The following PLK1 variants were observed in gnomAD, a reference collection of about 807,000 sequenced individuals.
The protein encoded by PLK1 is serine/threonine-protein kinase PLK1.
In PLK1, 6 loss-of-function variants were observed where a neutral mutation model predicts 56.7. That is an observed-to-expected ratio of 0.11 (90% CI 0.06 to 0.21). The LOEUF (loss-of-function observed/expected upper bound fraction) is 0.21. Ranked by LOEUF, PLK1 falls within the 10% of genes least tolerant of loss-of-function variation. PLK1 has a pLI of 1.00. For missense variants in PLK1, 546 were observed against 814.4 expected, an observed-to-expected ratio of 0.67 and a Z score of 4.01; for synonymous variants, 298 against 325.0, an observed-to-expected ratio of 0.92 and a Z score of 0.89.
chr16:23,686,445 C>T (rs985245412), intron 5 of PLK1, among the ~76,000 whole-genome samples: 1 of 152,006 alleles, frequency 6.6e-6, no homozygotes, highest in Non-Finnish European at 1.5e-5. Flanking sequence ...TTATTTATTC[C>T]AGCCTCCTGC....
At position 23,680,756 on chromosome 16, in the gene PLK1, G is replaced by T. The variant is rs563523801; in HGVS notation, c.578-158G>T. Among the ~76,000 whole-genome samples the T allele has an allele frequency of 2.0e-5, 3 of 152,342 alleles. No homozygotes were observed. In the South Asian group the frequency reaches 6.2e-4, roughly 32 times the overall value. ...AGGCACCTCCCTGGTGTCAGCATGGGAGGAAGATTCCTGGGCAAGCCTTGC... is the reference window on the plus strand; with the variant it reads ...AGGCACCTCCCTGGTGTCAGCATGGTAGGAAGATTCCTGGGCAAGCCTTGC... On this transcript the variant is annotated intron_variant, in intron 2 of 9. Transcript: ENST00000300093.
At chr16:23,680,041 A>G in intron 1 of PLK1, 43 bp from the exon 2 acceptor site, 2 of 1,481,352 alleles carry the variant, frequency 1.4e-6, no homozygotes, top group South Asian at 1.2e-5. Flanking sequence ...ACCGGCCTCA[A>G]TCCACCTCCC....
At position 23,679,142 on chromosome 16, in the gene PLK1, C is replaced by T. The variant is rs1297546348; in HGVS notation, c.210C>T (p.Ile70=). ...GKGGFAKCFE[I]SDADTKEVFA... The stretch of plus-strand genomic sequence containing the variant: ...GCGGCTTTGCCAAGTGCTTCGAGAT[C>T]TCGGACGCGGACACCAAGGAGGTGT... Residue 70 remains isoleucine (I), a synonymous_variant, in exon 1 of 10, where the codon ATC becomes ATT. Coordinates refer to ENST00000300093, the MANE Select transcript of PLK1 (RefSeq NM_005030.6). The T allele has an allele frequency of 6.2e-7, 1 of 1,613,242 alleles. No individual in the cohort carries two copies. Among genetic ancestry groups the T allele is most frequent in the African/African-American group, 1.3e-5 (1 of 75,038 alleles).
chr16:23,679,837 A>T, intron 1 of PLK1: 1 of 384,388 alleles, frequency 2.6e-6, no homozygotes, highest in East Asian at 4.1e-5. Context: ...GTAAGGGGGG[A>T]AGCTAGTAGG....
In PLK1 at chr16:23,689,419, T is replaced by C. The variant is rs1459456476; in HGVS notation, c.1425+27T>C. On this transcript the variant is annotated intron_variant, in intron 8 of 9. Coordinates refer to ENST00000300093, the MANE Select transcript of PLK1 (RefSeq NM_005030.6). The surrounding 1 kb of genome is among the most constrained non-coding windows in gnomAD (Gnocchi z 4.8). The stretch of plus-strand genomic sequence containing the variant: ...TGAGTGCCGTCCGGCCCATGGGGGG[T>C]GGTGTTGCAGAAGTGGGACCTGTGC... The C allele has an allele frequency of 6.2e-7, 1 of 1,600,836 alleles. No homozygotes were observed. Among genetic ancestry groups the C allele is most frequent in the Non-Finnish European group, 8.6e-7 (1 of 1,169,080 alleles).
chr16:23,682,685 G>GC (rs1317475144), intron 4 of PLK1, among the ~76,000 whole-genome samples: 1 of 148,092 alleles, frequency 6.8e-6, no homozygotes, highest in Non-Finnish European at 1.5e-5. Context: ...ACCTCGCCTG[G>GC]CTTTTTTTTT....
In PLK1 at chr16:23,689,338, C is replaced by T. The variant is rs773740992; in HGVS notation, c.1371C>T (p.Asp457=). ...ACAGCCTGCAGTACATAGAGCGTGA[C>T]GGCACTGAGTCCTACCTCACCGTGA... ...DGDSLQYIER[D]GTESYLTVSS... Residue 457 remains aspartate, a synonymous_variant, in exon 8 of 10, where the codon GAC becomes GAT. Transcript: ENST00000300093. This position sits in a 1 kb window ranked among gnomAD's most constrained non-coding sequence, Gnocchi z 4.8. 49 of 1,613,882 alleles carry T rather than the reference C, an allele frequency of 3.0e-5. No homozygotes were observed. The highest frequency in any genetic ancestry group is 5.0e-5 in the Admixed American group (3 of 60,016).
chr16:23,679,409 G>A (rs780199271), intron 1 of PLK1, 69 bp downstream of exon 1: 166 of 1,449,798 alleles, frequency 1.1e-4, no homozygotes, highest in Non-Finnish European at 1.4e-4. Context: ...TGGAGCTGCT[G>A]GAAAGAGTAC....
chr16:23,690,134 C>T lies in PLK1; in HGVS notation c.*71C>T, dbSNP rs746907972. On this transcript the variant is annotated 3_prime_UTR_variant, in exon 10 of 10. Coordinates refer to ENST00000300093, the MANE Select transcript of PLK1 (RefSeq NM_005030.6). The stretch of plus-strand genomic sequence containing the variant: ...CATCTGGGGCCCATACTGGTTGGCT[C>T]CCGCGGTGCCATGTCTGCAGTGTGC... The T allele has an allele frequency of 1.6e-6, 2 of 1,230,164 alleles. No homozygotes were observed. The highest frequency in any genetic ancestry group is 1.5e-5 in the African/African-American group (1 of 68,114). 76.2% of individuals were successfully genotyped at this position (1,230,164 alleles called of 1,614,324 possible). A position where few individuals can be genotyped will look rare whatever the true frequency, so the allele number is the denominator to read the frequency against.
In PLK1 at chr16:23,689,787, TTG is replaced by T. The variant is rs1410178436; in HGVS notation, c.1609-69_1609-68del. ...GAGCGGCTCAGGTACCTATAACCTG[TTG>T]TGTCTTCCCTCTACTCCCTAACATA... On this transcript the variant is annotated intron_variant, in intron 9 of 9. Transcript: ENST00000300093. This position sits in a 1 kb window ranked among gnomAD's most constrained non-coding sequence, Gnocchi z 4.8. The T allele has an allele frequency of 6.3e-5, 97 of 1,529,092 alleles. No individual in the cohort carries two copies. Among genetic ancestry groups the T allele is most frequent in the Non-Finnish European group, 8.7e-5 (96 of 1,108,942 alleles). 94.7% of individuals were successfully genotyped at this position (1,529,092 alleles called of 1,614,324 possible).
rs1959513201 is a variant in PLK1, at chr16:23,689,885, C to T, written c.1634C>T (p.Pro545Leu). 6.2e-7 allele frequency: 1 copy of T among 1,614,056 alleles called. No individual in the cohort carries two copies. Among genetic ancestry groups the T allele is most frequent in the Non-Finnish European group, 8.5e-7 (1 of 1,179,934 alleles). The change falls in exon 10 of 10, where the codon CCA (proline) becomes CTA (leucine). Residue 545 changes from proline (P) to leucine (L), a missense_variant. Coordinates refer to ENST00000300093, the MANE Select transcript of PLK1 (RefSeq NM_005030.6). The surrounding 1 kb of genome is among the most constrained non-coding windows in gnomAD (Gnocchi z 4.8). ...GATCACACCAAGCTCATCTTGTGCC[C>T]ACTGATGGCAGCCGTGACCTACATC... ...FQDHTKLILCPLMAAVTYIDE... is the reference protein window; with the variant it reads ...FQDHTKLILCLLMAAVTYIDE...
At chr16:23,688,097 C>G (rs26766) in intron 6 of PLK1, among the ~76,000 whole-genome samples, 18,677 of 152,182 alleles carry the variant, frequency 0.12, 1,222 homozygotes, top group East Asian at 0.18. Context: ...TAACACTTCT[C>G]ACCCAACATA....
chr16:23,688,352 G>T (rs994540511), intron 6 of PLK1, among the ~76,000 whole-genome samples: 2 of 152,238 alleles, frequency 1.3e-5, no homozygotes, highest in East Asian at 3.8e-4. Flanking sequence ...CTGGGGTTTT[G>T]TCTGTTGCTC....
chr16:23,689,239 G>T lies in PLK1; in HGVS notation c.1272G>T (p.Gly424=), dbSNP rs1159542808. The T allele has an allele frequency of 6.2e-7, 1 of 1,609,414 alleles. No homozygotes were observed. Among genetic ancestry groups the T allele is most frequent in the Admixed American group, 1.7e-5 (1 of 59,926 alleles). ...AGACCTCTCTCCACCGATCCCTAGG[G>T]TATCAGCTCTGTGATAACAGCGTGG... ...WVDYSDKYGL[G]YQLCDNSVGV... Residue 424 remains glycine (G), a splice_region_variant and synonymous_variant, in exon 8 of 10, where the codon GGG becomes GGT. Coordinates refer to ENST00000300093, the MANE Select transcript of PLK1 (RefSeq NM_005030.6). This position sits in a 1 kb window ranked among gnomAD's most constrained non-coding sequence, Gnocchi z 4.8.
At chr16:23,681,396 G>T (rs1422547446) in intron 3 of PLK1, among the ~76,000 whole-genome samples, 1 of 152,190 alleles carries the variant, frequency 6.6e-6, no homozygotes, top group African/African-American at 2.4e-5. Flanking sequence ...CTACTTACTG[G>T]ATCAGAATCT....
chr16:23,682,198 C>T, intron 4 of PLK1, 41 bp downstream of exon 4: 2 of 1,154,644 alleles, frequency 1.7e-6, no homozygotes, highest in Non-Finnish European at 2.6e-6. Flanking sequence ...TTTTGTTTTC[C>T]CCAGAAGCTG....
rs200552730 is a variant in PLK1 at position 23,689,266 on chromosome 16, G to A, written c.1299G>A (p.Gly433=). The A allele has an allele frequency of 3.1e-6, 5 of 1,613,484 alleles. No homozygotes were observed. The highest frequency in any genetic ancestry group is 1.7e-5 in the Admixed American group (1 of 59,976). Residue 433 remains glycine (G), a synonymous_variant, in exon 8 of 10, where the codon GGG becomes GGA. Coordinates refer to ENST00000300093, the MANE Select transcript of PLK1 (RefSeq NM_005030.6). This position sits in a 1 kb window ranked among gnomAD's most constrained non-coding sequence, Gnocchi z 4.8. ...LGYQLCDNSV[G]VLFNDSTRLI... ...ATCAGCTCTGTGATAACAGCGTGGG[G>A]GTGCTCTTCAATGACTCAACACGCC...
chr16:23,687,598 C>A lies in PLK1; in HGVS notation c.1166C>A (p.Pro389His). Residue 389 changes from proline to histidine, a missense_variant, in exon 6 of 10, where the codon CCC becomes CAC. Pro to His is a moderately conservative substitution (Grantham distance 77). Coordinates refer to ENST00000300093, the MANE Select transcript of PLK1 (RefSeq NM_005030.6). ...QQLHSVNASK[P>H]SERGLVRQEE... ...CTGCACAGTGTCAATGCCTCCAAGC[C>A]CTCGGAGCGTGGGCTGGTCAGGCAA... 1 of 1,594,834 alleles carries A rather than the reference C, an allele frequency of 6.3e-7. No individual in the cohort carries two copies.
At chr16:23,686,167 T>C (rs528839867) in intron 5 of PLK1, among the ~76,000 whole-genome samples, 2 of 152,140 alleles carry the variant, frequency 1.3e-5, no homozygotes, top group African/African-American at 2.4e-5. Context: ...GCCTCCCAAG[T>C]AGTTGAGACT....
Sources: allele counts gnomAD v4.1 joint callset (sites outside exome capture counted in the v4.1 genomes callset), GRCh38; gene constraint gnomAD v4.1.1; non-coding constraint Gnocchi (gnomAD v3.1); transcripts MANE v1.5; gene names NCBI Gene and HGNC (gene_info 2026-07-23, HGNC 2026-07-21).